KSR2: variants seen among roughly 807,000 people sequenced by gnomAD.
KSR2 encodes kinase suppressor of ras 2.
A neutral mutation model predicts 107.8 loss-of-function variants in KSR2; 25 were observed. The ratio of observed to expected loss-of-function variants is 0.23; its 90% CI spans 0.17 to 0.32. The LOEUF is 0.32. Among genes scored for constraint, KSR2 ranks in the 10% least tolerant of loss-of-function variants. The pLI is 1.00. For missense variants in KSR2, 887 were observed against 1,268.9 expected (o/e 0.70, Z 4.57); for synonymous variants, 480 against 507.0 (o/e 0.95, Z 0.71).
At chr12:117,869,786 C>T (rs1027594166) in intron 1 of KSR2, among the ~76,000 whole-genome samples, 2 of 152,164 alleles carry the variant, frequency 1.3e-5, no homozygotes, top group African/African-American at 2.4e-5. Context: ...TCTGCTGGGA[C>T]GCCTTTGTCA....
At chr12:117,946,624 C>T (rs1896187344) in intron 1 of KSR2, among the ~76,000 whole-genome samples, 1 of 152,054 alleles carries the variant, frequency 6.6e-6, no homozygotes, top group Admixed American at 6.6e-5. Flanking sequence ...ATTACTTAGG[C>T]CCAGTATTAT....
chr12:117,518,263 G>A (rs1384480960), intron 14 of KSR2, among the ~76,000 whole-genome samples: 1 of 152,124 alleles, frequency 6.6e-6, no homozygotes, highest in Non-Finnish European at 1.5e-5. Flanking sequence ...CATCCTGGGG[G>A]GCATGGGGAA....
At chr12:117,480,378 C>A (rs1357390024) in intron 16 of KSR2, among the ~76,000 whole-genome samples, 1 of 152,122 alleles carries the variant, frequency 6.6e-6, no homozygotes, top group African/African-American at 2.4e-5. Context: ...CCCTGGGGTG[C>A]CCCGTTCCCA....
intron 3 of KSR2, among the ~76,000 whole-genome samples, chr12:117,780,629 T>C (rs1385853369): frequency 6.6e-6 from 1 of 152,236 alleles, no homozygotes; most frequent in Non-Finnish European, 1.5e-5. Flanking sequence ...GTGATGATTA[T>C]ACAACCTTGT....
chr12:117,740,420 T>G (rs1312474085), intron 4 of KSR2, among the ~76,000 whole-genome samples: 4 of 125,132 alleles, frequency 3.2e-5, no homozygotes, highest in African/African-American at 1.1e-4. Context: ...ACATATATTA[T>G]ATATGTTATA....
chr12:117,771,721 G>A (rs1337003722), intron 3 of KSR2, among the ~76,000 whole-genome samples: 1 of 152,124 alleles, frequency 6.6e-6, no homozygotes, highest in Admixed American at 6.6e-5. Context: ...ATAAGTGACA[G>A]GTCATGGCTA....
At chr12:117,816,255 G>A (rs909657686) in intron 3 of KSR2, among the ~76,000 whole-genome samples, 17 of 152,164 alleles carry the variant, frequency 1.1e-4, no homozygotes, top group Non-Finnish European at 2.2e-4. Flanking sequence ...ACCATGCTGT[G>A]AGGAAGCCCA....
chr12:117,535,592 C>T (rs942505656), intron 10 of KSR2, among the ~76,000 whole-genome samples: 2 of 143,408 alleles, frequency 1.4e-5, no homozygotes, highest in African/African-American at 5.3e-5. Context: ...TAGAATTCAC[C>T]ATTTCCTGGA....
At position 117,739,171 on chromosome 12, in the gene KSR2, C is replaced by T. The variant is rs187704669; in HGVS notation, c.986+21840G>A. Reference sequence around the variant, plus strand: ...GAGACTGAGACTATCCTGGCTGACACGGTGAAACCCCGTCTCTACTAAAAA... The same window carrying T: ...GAGACTGAGACTATCCTGGCTGACATGGTGAAACCCCGTCTCTACTAAAAA... On this transcript the variant is annotated intron_variant, in intron 4 of 19. Transcript: ENST00000339824. Among the ~76,000 whole-genome samples the T allele has an allele frequency of 5.2e-3, 784 of 152,198 alleles. 3 individuals are homozygous for T. The highest frequency in any genetic ancestry group is 0.017 in the African/African-American group (688 of 41,558).
chr12:117,803,702 C>CA (rs990954244), intron 3 of KSR2, among the ~76,000 whole-genome samples: 2 of 151,642 alleles, frequency 1.3e-5, no homozygotes, highest in East Asian at 1.9e-4. Flanking sequence ...AACTCCGTCT[C>CA]AAAAAAAATT....
chr12:117,928,142 C>G (rs149710991), intron 1 of KSR2, among the ~76,000 whole-genome samples: 274 of 150,994 alleles, frequency 1.8e-3, no homozygotes, highest in Non-Finnish European at 2.9e-3. Flanking sequence ...AAGGTTTATC[C>G]ATGTTGTGTA....
intron 9 of KSR2, among the ~76,000 whole-genome samples, chr12:117,545,848 C>A (rs769070786): frequency 6.6e-5 from 10 of 152,038 alleles, no homozygotes; most frequent in Non-Finnish European, 1.3e-4. Flanking sequence ...ATATACATAA[C>A]TTATTACAGT....
Position 117,485,655 on chromosome 12 carries a change from C to A in KSR2, c.2256G>T (p.Arg752Ser). 2 of 1,613,578 alleles carry A rather than the reference C, an allele frequency of 1.2e-6. No individual in the cohort carries two copies. The highest frequency in any genetic ancestry group is 1.7e-6 in the Non-Finnish European group (2 of 1,179,594). Residue 752 changes from arginine to serine, a missense_variant, in exon 15 of 20, where the codon AGG (arginine) becomes AGT (serine). By Grantham distance (110) the Arg-to-Ser change is moderately radical. Transcript: ENST00000339824. The part of the protein sequence containing the change: ...CKGRTLYSVV[R>S]DAKIVLDVNK... ...TGACATCCAAAACGATTTTGGCATC[C>A]CTCACAACGGAATAGAGCGTCCGTC...
At chr12:117,741,266 T>C (rs374927701) in intron 4 of KSR2, among the ~76,000 whole-genome samples, 17 of 151,662 alleles carry the variant, frequency 1.1e-4, no homozygotes, top group African/African-American at 4.1e-4. Flanking sequence ...CCTATAATCC[T>C]AGCTACTTGG....
At chr12:117,739,868 C>T (rs1888104344) in intron 4 of KSR2, among the ~76,000 whole-genome samples, 1 of 148,462 alleles carries the variant, frequency 6.7e-6, no homozygotes, top group Admixed American at 6.8e-5. Context: ...CATGGTTGGA[C>T]TGACATATTT....
Position 117,476,499 on chromosome 12 carries a change from G to A in KSR2, c.2547C>T (p.Leu849=), listed in dbSNP as rs1871789556. The A allele has an allele frequency of 1.2e-5, 19 of 1,606,640 alleles. No homozygotes were observed. The highest frequency in any genetic ancestry group is 1.5e-5 in the Non-Finnish European group (18 of 1,176,688). ...QLSPDTEEDK[L]PFSKHSDVFA... ...AGACGTCAGAGTGCTTGGAGAAGGG[G>A]AGCTTATCCTCCTCTGTGTCGGGGG... is the stretch of plus-strand genomic sequence containing the variant. The change falls in exon 17 of 20, where the codon CTC becomes CTT. Residue 849 remains leucine (L), a synonymous_variant. Coordinates refer to ENST00000339824, the MANE Select transcript of KSR2 (RefSeq NM_173598.6).
intron 4 of KSR2, among the ~76,000 whole-genome samples, chr12:117,721,770 G>A (rs1205352724): frequency 6.6e-6 from 1 of 152,240 alleles, no homozygotes; most frequent in African/African-American, 2.4e-5. Context: ...TTAAGTAGAT[G>A]TCTGCTGAAA....
At chr12:117,685,714 C>T (rs1885542902) in intron 4 of KSR2, among the ~76,000 whole-genome samples, 1 of 152,240 alleles carries the variant, frequency 6.6e-6, no homozygotes, top group Non-Finnish European at 1.5e-5. Context: ...GCATCCCCAC[C>T]TCCAGCCCAT....
At chr12:117,549,761 A>G (rs1055514613) in intron 9 of KSR2, among the ~76,000 whole-genome samples, 2 of 152,204 alleles carry the variant, frequency 1.3e-5, no homozygotes, top group Non-Finnish European at 2.9e-5. Context: ...AAAACATAGG[A>G]GGTAACTAAT....
Sources: allele counts gnomAD v4.1 joint callset (sites outside exome capture counted in the v4.1 genomes callset), GRCh38; gene constraint gnomAD v4.1.1; transcripts MANE v1.5; gene names NCBI Gene and HGNC (gene_info 2026-07-23, HGNC 2026-07-21).